The following SLC25A48 variants were observed in gnomAD, a reference collection of about 807,000 sequenced individuals.
SLC25A48 encodes the protein solute carrier family 25 member 48, also known as CTC-321K16.1.
SLC25A48 carries 29 observed loss-of-function variants against 32.2 expected under a neutral mutation model. The ratio of observed to expected loss-of-function variants is 0.90; its 90% confidence interval spans 0.67 to 1.23. SLC25A48 has a LOEUF of 1.23. Among genes scored for constraint, SLC25A48 ranks in the 50% most tolerant of loss-of-function variants. The probability of loss-of-function intolerance (pLI) is 0.00; values close to 1 mark genes in which losing one functional copy is unlikely to be tolerated. For missense variants in SLC25A48, 399 were observed against 422.7 expected (o/e 0.94, Z 0.49); for synonymous variants, 164 against 172.3 (o/e 0.95, Z 0.38).
At chr5:135,857,747 G>A (rs116352129) in intron 4 of SLC25A48, among the ~76,000 whole-genome samples, 224 of 152,310 alleles carry the variant, frequency 1.5e-3, no homozygotes, top group African/African-American at 5.2e-3. Context: ...GTGGGAGAAG[G>A]GCTGGGAGGA....
intron 7 of SLC25A48, among the ~76,000 whole-genome samples, chr5:135,880,563 C>G (rs1762392990): frequency 6.6e-6 from 1 of 152,144 alleles, no homozygotes; most frequent in East Asian, 1.9e-4. Flanking sequence ...GTCTCTGCCA[C>G]CATTCTTTGC....
intron 7 of SLC25A48, among the ~76,000 whole-genome samples, chr5:135,884,835 C>T (rs1295569887): frequency 1.3e-5 from 2 of 152,096 alleles, no homozygotes; most frequent in African/African-American, 2.4e-5. Flanking sequence ...CTGGGTGCTC[C>T]TGATGAGGCT....
intron 3 of SLC25A48, among the ~76,000 whole-genome samples, chr5:135,677,485 G>A (rs751973552): frequency 3.3e-5 from 5 of 151,972 alleles, no homozygotes; most frequent in African/African-American, 4.8e-5. Context: ...GTTAATTGTT[G>A]TCTGGTTGTT....
chr5:135,614,674 G>A (rs1752146493), intron 1 of SLC25A48, among the ~76,000 whole-genome samples: 1 of 151,758 alleles, frequency 6.6e-6, no homozygotes, highest in Admixed American at 6.6e-5. Flanking sequence ...TTCTGTTCAT[G>A]TGATTTACCA....
chr5:135,733,578 C>T (rs1755283736), intron 3 of SLC25A48, among the ~76,000 whole-genome samples: 1 of 152,118 alleles, frequency 6.6e-6, no homozygotes, highest in Non-Finnish European at 1.5e-5. Context: ...ATTTTGAGGG[C>T]CTCTAAAAGT....
intron 1 of SLC25A48, 126 bp from the exon 2 acceptor site, chr5:135,842,290 C>A (rs1161829190): frequency 2.1e-6 from 2 of 935,810 alleles, no homozygotes; most frequent in Non-Finnish European, 3.5e-6. Flanking sequence ...CATTGGAGCC[C>A]ACCCACTCCC....
chr5:135,651,619 G>A (rs1753115584), intron 3 of SLC25A48, among the ~76,000 whole-genome samples: 1 of 152,156 alleles, frequency 6.6e-6, no homozygotes. Context: ...ACCTATATCT[G>A]CTGTTCTTAT....
At chr5:135,627,205 C>T (rs1580734255) in intron 1 of SLC25A48, among the ~76,000 whole-genome samples, 1 of 152,176 alleles carries the variant, frequency 6.6e-6, no homozygotes, top group African/African-American at 2.4e-5. Flanking sequence ...TCTCAGGCCC[C>T]CTTGCCTCTG....
At chr5:135,870,800 C>T (rs1386014450) in intron 4 of SLC25A48, among the ~76,000 whole-genome samples, 1 of 152,016 alleles carries the variant, frequency 6.6e-6, no homozygotes, top group Non-Finnish European at 1.5e-5. Flanking sequence ...CAAGCTCCCC[C>T]TCTTTTAACA....
At chr5:135,835,747 T>C (rs1472028959) in intron 1 of SLC25A48, among the ~76,000 whole-genome samples, 1 of 143,842 alleles carries the variant, frequency 7.0e-6, no homozygotes, top group Non-Finnish European at 1.5e-5. Flanking sequence ...CTAAAAGGGA[T>C]GTTGGCAAAT....
intron 3 of SLC25A48, among the ~76,000 whole-genome samples, chr5:135,662,479 T>C (rs1390279242): frequency 1.3e-5 from 2 of 152,316 alleles, no homozygotes; most frequent in South Asian, 4.1e-4. Context: ...GTGTCTGTGA[T>C]GGTGCAACTC....
chr5:135,778,313 A>C (rs1257466440), intron 3 of SLC25A48, among the ~76,000 whole-genome samples: 1 of 151,306 alleles, frequency 6.6e-6, no homozygotes, highest in South Asian at 2.1e-4. Context: ...TATTGTTCCT[A>C]ATATCCAGGA....
chr5:135,751,387 T>C (rs1429760382), intron 3 of SLC25A48, among the ~76,000 whole-genome samples: 1 of 152,208 alleles, frequency 6.6e-6, no homozygotes, highest in Admixed American at 6.5e-5. Context: ...CAGAGGCCCC[T>C]GCTCCCTGTG....
intron 3 of SLC25A48, among the ~76,000 whole-genome samples, chr5:135,711,489 G>T (rs1311838551): frequency 2.0e-5 from 3 of 152,156 alleles, no homozygotes; most frequent in Non-Finnish European, 2.9e-5. Flanking sequence ...GTTGCTTTTG[G>T]CCTCATGGGT....
intron 3 of SLC25A48, among the ~76,000 whole-genome samples, chr5:135,742,974 T>TACCTCC (rs1755538073): frequency 1.3e-3 from 3 of 2,340 alleles, no homozygotes; most frequent in African/African-American, 3.5e-3. Context: ...CCCCCTCCCC[T>TACCTCC]CCCTCCCCCC....
chr5:135,652,867 T>G (rs1302521909), intron 3 of SLC25A48, among the ~76,000 whole-genome samples: 1 of 152,222 alleles, frequency 6.6e-6, no homozygotes, highest in African/African-American at 2.4e-5. Flanking sequence ...ATAGTCTGAA[T>G]GTGTCTTCAA....
At chr5:135,620,568 C>T (rs1480848132) in intron 1 of SLC25A48, among the ~76,000 whole-genome samples, 1 of 152,098 alleles carries the variant, frequency 6.6e-6, no homozygotes. Context: ...CAGCAGACTG[C>T]AGGTGGTAAT....
In SLC25A48 at chr5:135,880,670, T is replaced by C. The variant is rs547772751; in HGVS notation, c.*7+573T>C. ...GTCTGACTCCTGTGCTCACATGCCC[T>C]CCTTGGCTCCCCATTGCCCTCTAGA... On this transcript the variant is annotated intron_variant, in intron 7 of 7. Transcript: ENST00000681962. Among the ~76,000 whole-genome samples, 19 of 152,280 alleles carry C rather than the reference T, an allele frequency of 1.2e-4. No homozygotes were observed. The South Asian group carries it at 3.9e-3, about 32-fold the overall frequency.
chr5:135,729,767 T>C (rs1051023172), intron 3 of SLC25A48, among the ~76,000 whole-genome samples: 2 of 152,224 alleles, frequency 1.3e-5, no homozygotes, highest in Non-Finnish European at 2.9e-5. Flanking sequence ...CTATATGAGT[T>C]TCCTTCTCAT....
Sources: gnomAD v4.1 joint callset for allele counts (sites outside exome capture counted in the v4.1 genomes callset) on GRCh38, gnomAD v4.1.1 for gene constraint, MANE v1.5 for transcripts, NCBI Gene and HGNC (gene_info 2026-07-23, HGNC 2026-07-21) for gene names.